The following FHIT variants were observed in gnomAD, a reference collection of about 807,000 sequenced individuals.
The protein encoded by FHIT is bis(5'-adenosyl)-triphosphatase.
In FHIT, 19 loss-of-function variants were observed where a neutral mutation model predicts 17.9. That is an observed-to-expected ratio of 1.06 (90% CI 0.74 to 1.56). FHIT has a LOEUF of 1.56. FHIT is among the 40% of genes most tolerant of loss of function. The probability of loss-of-function intolerance (pLI) is 0.00; values close to 1 mark genes in which losing one functional copy is unlikely to be tolerated. For missense variants in FHIT, 248 were observed against 189.2 expected (o/e 1.31, Z -1.82); for synonymous variants, 81 against 69.7 (o/e 1.16, Z -0.81).
intron 2 of FHIT, among the ~76,000 whole-genome samples, chr3:61,093,802 T>C (rs935615507): frequency 6.6e-6 from 1 of 152,206 alleles, no homozygotes; most frequent in Non-Finnish European, 1.5e-5. Flanking sequence ...GTATAACCAG[T>C]AGGACTTCAC....
intron 8 of FHIT, among the ~76,000 whole-genome samples, chr3:59,828,496 T>G (rs796403979): frequency 5.6e-4 from 85 of 152,322 alleles, no homozygotes; most frequent in African/African-American, 1.9e-3. Context: ...GCCAAGTGTA[T>G]GTGGCTGCGG....
intron 7 of FHIT, among the ~76,000 whole-genome samples, chr3:59,990,614 C>T (rs887571106): frequency 6.6e-6 from 1 of 151,982 alleles, no homozygotes; most frequent in Admixed American, 6.6e-5. Context: ...ATCATGATAA[C>T]TCTTGGCTAG....
At chr3:60,268,033 C>T (rs1706674482) in intron 5 of FHIT, among the ~76,000 whole-genome samples, 1 of 152,118 alleles carries the variant, frequency 6.6e-6, no homozygotes, top group Non-Finnish European at 1.5e-5. Flanking sequence ...CTGAAAATGT[C>T]ACTTAATAAA....
At chr3:61,197,118 A>C (rs1490404385) in intron 2 of FHIT, among the ~76,000 whole-genome samples, 1 of 152,222 alleles carries the variant, frequency 6.6e-6, no homozygotes, top group African/African-American at 2.4e-5. Context: ...TCAGCCTCCT[A>C]AAACAAGCCC....
intron 2 of FHIT, among the ~76,000 whole-genome samples, chr3:61,060,758 C>T (rs145036241): frequency 6.6e-6 from 1 of 152,216 alleles, no homozygotes; most frequent in East Asian, 1.9e-4. Context: ...CAGATGTATG[C>T]GGACAGATTA....
At chr3:60,239,239 T>C (rs1051927115) in intron 5 of FHIT, among the ~76,000 whole-genome samples, 5 of 152,132 alleles carry the variant, frequency 3.3e-5, no homozygotes, top group Admixed American at 2.6e-4. Context: ...GTCTGAAAAT[T>C]TGGTAGTTGA....
intron 3 of FHIT, among the ~76,000 whole-genome samples, chr3:60,950,720 A>G (rs1364492673): frequency 6.6e-6 from 1 of 151,324 alleles, no homozygotes; most frequent in Non-Finnish European, 1.5e-5. Context: ...ATGGGGTTTC[A>G]CCATGTTGGC....
chr3:60,999,844 G>C (rs1455021285), intron 3 of FHIT, among the ~76,000 whole-genome samples: 1 of 152,108 alleles, frequency 6.6e-6, no homozygotes, highest in Non-Finnish European at 1.5e-5. Flanking sequence ...TAGTTCTGGA[G>C]ACTGGGAAGC....
chr3:61,248,250 CT>C (rs1386501095), intron 1 of FHIT, among the ~76,000 whole-genome samples: 1 of 151,870 alleles, frequency 6.6e-6, no homozygotes, highest in African/African-American at 2.4e-5. Context: ...TCAGTGTCTA[CT>C]GGTGGTCAGG....
At chr3:61,059,925 A>G (rs183206905) in intron 2 of FHIT, among the ~76,000 whole-genome samples, 31 of 152,202 alleles carry the variant, frequency 2.0e-4, no homozygotes, top group Non-Finnish European at 4.0e-4. Flanking sequence ...TTTCTCCCAC[A>G]TCCCAAAGAT....
At chr3:59,953,642 ACT>A (rs1192953464) in intron 7 of FHIT, among the ~76,000 whole-genome samples, 2 of 152,152 alleles carry the variant, frequency 1.3e-5, no homozygotes, top group African/African-American at 4.8e-5. Context: ...TAAATTAAGT[ACT>A]GTGCTCGGCC....
At chr3:60,259,053 T>TA (rs373077800) in intron 5 of FHIT, among the ~76,000 whole-genome samples, 10,477 of 141,362 alleles carry the variant, frequency 0.074, 1,053 homozygotes, top group African/African-American at 0.23. Flanking sequence ...CCTATTCAGT[T>TA]AAAAAAAAAA....
intron 5 of FHIT, among the ~76,000 whole-genome samples, chr3:60,464,108 G>A (rs927205579): frequency 1.3e-5 from 2 of 152,068 alleles, no homozygotes; most frequent in African/African-American, 4.8e-5. Flanking sequence ...AACCACCATA[G>A]CAACACTATG....
intron 4 of FHIT, among the ~76,000 whole-genome samples, chr3:60,777,189 T>G (rs1215922580): frequency 3.9e-5 from 6 of 152,164 alleles, no homozygotes; most frequent in Non-Finnish European, 8.8e-5. Context: ...GAGCCACATA[T>G]GAGTGACCAT....
intron 7 of FHIT, among the ~76,000 whole-genome samples, chr3:59,995,202 GA>G (rs377408043): frequency 3.1e-4 from 46 of 146,878 alleles, no homozygotes; most frequent in East Asian, 1.2e-3. Context: ...TAGGCATTTA[GA>G]AAAAAAAAAC....
At position 61,169,390 on chromosome 3, in the gene FHIT, A is replaced by G. The variant is rs185431764; in HGVS notation, c.-164+31227T>C. On this transcript the variant is annotated intron_variant, in intron 2 of 9. Coordinates refer to ENST00000492590, the MANE Select transcript of FHIT (RefSeq NM_002012.4). ...AACATCTGCCTGGTTCTCTCAAATCATATAAGTAAAATAAAATCTTTAGCA... is the reference window on the plus strand; with the variant it reads ...AACATCTGCCTGGTTCTCTCAAATCGTATAAGTAAAATAAAATCTTTAGCA... 1.2e-4 allele frequency among the ~76,000 whole-genome samples: 18 copies of G among 152,302 alleles called. No homozygotes were observed. In the East Asian group the frequency reaches 3.3e-3, roughly 28 times the overall value.
At position 60,078,530 on chromosome 3, in the gene FHIT, A is replaced by G. The variant is rs192688375; in HGVS notation, c.104-64378T>C. Among the ~76,000 whole-genome samples, 34 of 152,294 alleles carry G rather than the reference A, an allele frequency of 2.2e-4. No homozygotes were observed. In the East Asian group the frequency reaches 5.6e-3, roughly 25 times the overall value. On this transcript the variant is annotated intron_variant, in intron 5 of 9. Transcript: ENST00000492590. ...TTGAGATTAAAGAACACTAAAAGACAGGACAACTAAACACAATGTGTGATC... is the reference window on the plus strand; with the variant it reads ...TTGAGATTAAAGAACACTAAAAGACGGGACAACTAAACACAATGTGTGATC...
chr3:60,243,258 A>G (rs527283341), intron 5 of FHIT, among the ~76,000 whole-genome samples: 2 of 152,224 alleles, frequency 1.3e-5, no homozygotes, highest in Admixed American at 6.5e-5. Flanking sequence ...TTAACACTCA[A>G]TGAATGCTAT....
intron 3 of FHIT, among the ~76,000 whole-genome samples, chr3:60,912,415 T>C (rs1032402645): frequency 1.3e-5 from 2 of 152,146 alleles, no homozygotes; most frequent in Non-Finnish European, 2.9e-5. Context: ...ATGACAGTTA[T>C]CCCATGGGGT....
Sources: gnomAD v4.1 joint callset for allele counts (sites outside exome capture counted in the v4.1 genomes callset) on GRCh38, gnomAD v4.1.1 for gene constraint, MANE v1.5 for transcripts, NCBI Gene and HGNC (gene_info 2026-07-23, HGNC 2026-07-21) for gene names.